Variants in SANBR observed in about 807,000 individuals in gnomAD.
SANBR encodes SANT and BTB domain regulator of class switch recombination.
Under a neutral mutation model 101.8 loss-of-function variants are expected in SANBR, and 77 were observed. That is an observed-to-expected ratio of 0.76 (90% CI 0.63 to 0.91). The LOEUF is 0.91. SANBR is among the 40% of genes least tolerant of loss of function. The pLI, the probability that SANBR is intolerant of heterozygous loss-of-function variation, is 0.00. For synonymous variants in SANBR, 279 were observed against 274.7 expected (o/e 1.02, Z -0.15); for missense variants, 875 against 853.0 (o/e 1.03, Z -0.32).
In SANBR at chr2:61,077,120, A is replaced by T. The variant is rs754940953; in HGVS notation, c.632A>T (p.Asn211Ile). 2 of 1,613,246 alleles carry T rather than the reference A, an allele frequency of 1.2e-6. No individual in the cohort carries two copies. The highest frequency in any genetic ancestry group is 1.7e-6 in the Non-Finnish European group (2 of 1,179,338). The change falls in exon 6 of 22, where the codon AAC becomes ATC. Residue 211 changes from asparagine to isoleucine, a missense_variant. Coordinates refer to ENST00000402291, the MANE Select transcript of SANBR (RefSeq NM_001129993.3). ...TGGTTGATAAAATACATTAAAAGGAACACTAAGGAGAATAAAGATTGTGAG... is the reference window on the plus strand; with the variant it reads ...TGGTTGATAAAATACATTAAAAGGATCACTAAGGAGAATAAAGATTGTGAG... The part of the protein sequence containing the change: ...FNWLIKYIKR[N>I]TKENKDCEMP...
rs1325809161 is a variant in SANBR at position 61,122,173 on chromosome 2, A to G, written c.*11A>G. ...GGGCGTCCTGCATAAAGTACCTTAA[A>G]ATATAAGTAAAAAGAGAGAAGGCAC... On this transcript the variant is annotated 3_prime_UTR_variant, in exon 22 of 22. Coordinates refer to ENST00000402291, the MANE Select transcript of SANBR (RefSeq NM_001129993.3). 2 of 1,548,800 alleles carry G rather than the reference A, an allele frequency of 1.3e-6. No individual in the cohort carries two copies.
rs534890916 is a variant in SANBR, at chr2:61,115,959, C to T, written c.1745-20C>T. ...AAGTATATGGGGCCTAAGTTTATAA[C>T]ATTGTCTTCTCATTATCAGGGAAAA... On this transcript the variant is annotated intron_variant, in intron 16 of 21. Coordinates refer to ENST00000402291, the MANE Select transcript of SANBR (RefSeq NM_001129993.3). 590 of 1,521,462 alleles carry T rather than the reference C, an allele frequency of 3.9e-4. 4 individuals are homozygous for T. The South Asian group carries it at 6.0e-3, about 16-fold the overall frequency. The allele number at this position is 1,521,462 out of a possible 1,614,324, so 94.2% of individuals were successfully genotyped here. A position where few individuals can be genotyped will look rare whatever the true frequency, so the allele number is the denominator to read the frequency against.
chr2:61,085,758 G>A (rs1279379631), intron 8 of SANBR, among the ~76,000 whole-genome samples: 4 of 151,988 alleles, frequency 2.6e-5, no homozygotes, highest in East Asian at 1.9e-4. Context: ...TGATCCGCCC[G>A]CCTCGGCCTC....
At chr2:61,098,057 T>TTATATATATATA (rs61325986) in intron 12 of SANBR, among the ~76,000 whole-genome samples, 1 of 142,156 alleles carries the variant, frequency 7.0e-6, no homozygotes, top group Non-Finnish European at 1.5e-5. Context: ...CAGGCACAAA[T>TTATATATATATA]TATATATATA....
chr2:61,102,696 C>T (rs1046679602), intron 12 of SANBR, among the ~76,000 whole-genome samples: 1 of 151,974 alleles, frequency 6.6e-6, no homozygotes, highest in African/African-American at 2.4e-5. Context: ...GCCACCATGC[C>T]TGGCTAAATT....
At chr2:61,112,407 C>A (rs2104951316) in intron 16 of SANBR, among the ~76,000 whole-genome samples, 1 of 152,054 alleles carries the variant, frequency 6.6e-6, no homozygotes, top group African/African-American at 2.4e-5. Context: ...TGTAAGATTT[C>A]TTTGTATATA....
chr2:61,072,313 A>G (rs1681515896), intron 4 of SANBR, among the ~76,000 whole-genome samples: 1 of 152,150 alleles, frequency 6.6e-6, no homozygotes, highest in Non-Finnish European at 1.5e-5. Context: ...GGCTCACATC[A>G]GTAATCCCAG....
chr2:61,108,220 G>T, intron 14 of SANBR, 97 bp from the exon 15 acceptor site: 1 of 662,370 alleles, frequency 1.5e-6, no homozygotes, highest in Non-Finnish European at 2.5e-6. Flanking sequence ...AACTATATTT[G>T]TAACTTTTTT....
Position 61,098,478 on chromosome 2 carries a change from C to T in SANBR, c.1365+626C>T, listed in dbSNP as rs189658635. Among the ~76,000 whole-genome samples, 100 of 152,264 alleles carry T rather than the reference C, an allele frequency of 6.6e-4. 1 individual carries two copies. Among genetic ancestry groups the T allele is most frequent in the African/African-American group, 2.1e-3 (89 of 41,552 alleles). On this transcript the variant is annotated intron_variant, in intron 12 of 21. Transcript: ENST00000402291. ...GTAATTTGCCTTTTTTACTCAACAA[C>T]ATAACTAGGGTATCTTTCTGTGCCA...
chr2:61,073,665 A>G (rs1408780561), intron 5 of SANBR, 114 bp downstream of exon 5: 2 of 548,022 alleles, frequency 3.6e-6, no homozygotes, highest in Admixed American at 7.1e-5. Context: ...TGCTGAAACT[A>G]CTGGAATCAG....
At chr2:61,079,362 T>C (rs147921312) in intron 6 of SANBR, among the ~76,000 whole-genome samples, 1 of 152,212 alleles carries the variant, frequency 6.6e-6, no homozygotes, top group Non-Finnish European at 1.5e-5. Flanking sequence ...ATGATCACAC[T>C]TGTGGTTTAA....
At chr2:61,106,086 G>A (rs137932180) in intron 13 of SANBR, among the ~76,000 whole-genome samples, 1 of 152,142 alleles carries the variant, frequency 6.6e-6, no homozygotes, top group East Asian at 1.9e-4. Flanking sequence ...AGGAATCACT[G>A]GACGAATTAA....
In SANBR at chr2:61,123,783, G is replaced by A. The variant is rs1684427389; in HGVS notation, c.*1621G>A. The A allele has an allele frequency of 1.0e-6, 1 of 985,588 alleles. No individual in the cohort carries two copies. The allele number at this position is 985,588 out of a possible 1,614,324, so 61.1% of individuals were successfully genotyped here. A position where few individuals can be genotyped will look rare whatever the true frequency, so the allele number is the denominator to read the frequency against. On this transcript the variant is annotated 3_prime_UTR_variant, in exon 22 of 22. Coordinates refer to ENST00000402291, the MANE Select transcript of SANBR (RefSeq NM_001129993.3). Reference sequence around the variant, plus strand: ...AATTTTTACAAACCAGAGTTTATCAGAATTTGATTCTCTTCAGAATGCTTT... The same window carrying A: ...AATTTTTACAAACCAGAGTTTATCAAAATTTGATTCTCTTCAGAATGCTTT...
At chr2:61,074,621 C>G (rs1012337512) in intron 5 of SANBR, among the ~76,000 whole-genome samples, 5 of 152,134 alleles carry the variant, frequency 3.3e-5, no homozygotes, top group Non-Finnish European at 7.3e-5. Context: ...CCGGCCTGGT[C>G]TTGAACTCCT....
At position 61,123,557 on chromosome 2, in the gene SANBR, T is replaced by C; in HGVS notation, c.*1395T>C. On this transcript the variant is annotated 3_prime_UTR_variant, in exon 22 of 22. Transcript: ENST00000402291. ...AAAGAAAATGTCTTGTAGTACATAT[T>C]ATATGTAAGTACTCTGTTAAATACC... 2.1e-6 allele frequency: 2 copies of C among 957,408 alleles called. No individual in the cohort carries two copies. The highest frequency in any genetic ancestry group is 2.5e-6 in the Non-Finnish European group (2 of 804,358). 59.3% of individuals were successfully genotyped at this position (957,408 alleles called of 1,614,324 possible). A position where few individuals can be genotyped will look rare whatever the true frequency, so the allele number is the denominator to read the frequency against.
intron 11 of SANBR, among the ~76,000 whole-genome samples, chr2:61,096,812 G>C (rs1295818492): frequency 4.6e-5 from 7 of 152,124 alleles, no homozygotes; most frequent in Non-Finnish European, 1.5e-5. Flanking sequence ...GTGATTCAAA[G>C]TTATGTCATA....
chr2:61,066,383 T>G (rs1681162897), intron 1 of SANBR: 1 of 152,414 alleles, frequency 6.6e-6, no homozygotes, highest in Non-Finnish European at 1.5e-5. Flanking sequence ...TTTCTGTGCC[T>G]CCACGGGCGG....
At chr2:61,069,354 A>C (rs1296387252) in intron 2 of SANBR, among the ~76,000 whole-genome samples, 1 of 152,136 alleles carries the variant, frequency 6.6e-6, no homozygotes, top group Non-Finnish European at 1.5e-5. Flanking sequence ...ACCATCACCT[A>C]CTTGTGTTGC....
intron 21 of SANBR, 137 bp downstream of exon 21, chr2:61,121,413 C>A: frequency 1.9e-6 from 1 of 523,640 alleles, no homozygotes; most frequent in Non-Finnish European, 3.5e-6. Context: ...ATTATCAAGG[C>A]ACTAATTAGA....
Sources: allele counts gnomAD v4.1 joint callset (sites outside exome capture counted in the v4.1 genomes callset), GRCh38; gene constraint gnomAD v4.1.1; transcripts MANE v1.5; gene names NCBI Gene and HGNC (gene_info 2026-07-23, HGNC 2026-07-21).